The following OVCH2 variants were observed in gnomAD, a reference collection of about 807,000 sequenced individuals.
OVCH2 encodes ovochymase-2.
In OVCH2, 88 loss-of-function variants were observed where a neutral mutation model predicts 73.7. The ratio of observed to expected loss-of-function variants is 1.19; its 90% CI spans 1.01 to 1.43. The LOEUF is 1.43. OVCH2 is among the 40% of genes most tolerant of loss of function. OVCH2 has a pLI of 0.00. For missense variants in OVCH2, 706 were observed against 674.5 expected, an observed-to-expected ratio of 1.05 and a Z score of -0.52; for synonymous variants, 265 against 234.5, an observed-to-expected ratio of 1.13 and a Z score of -1.19.
At position 7,700,377 on chromosome 11, in the gene OVCH2, T is replaced by C. The variant is rs1214539618; in HGVS notation, c.820A>G (p.Arg274Gly). Residue 274 changes from arginine to glycine, a missense_variant, in exon 7 of 16, where the codon AGG (arginine) becomes GGG (glycine). Arg to Gly is a moderately radical substitution (Grantham distance 125, BLOSUM62 -2). Coordinates refer to ENST00000533663, the MANE Select transcript of OVCH2 (RefSeq NM_198185.7). ...CCAGGGGATCCTTGATCACTTTTCC[T>C]CACATTGTTTCTCCAGCCTCGACCA... ...GCGRGWRNNV[R>G]KSDQGSPGIF... is the part of the protein sequence containing the mutation. The C allele has an allele frequency of 1.2e-6, 2 of 1,613,642 alleles. No homozygotes were observed. Among genetic ancestry groups the C allele is most frequent in the Non-Finnish European group, 1.7e-6 (2 of 1,179,794 alleles).
downstream of OVCH2, chr11:7,689,373 T>G (rs758330623): frequency 7.5e-4 from 177 of 235,398 alleles, 1 homozygote; most frequent in Admixed American, 4.3e-3. Context: ...CCCCCACAAT[T>G]GTGTAAGCCA....
intron 6 of OVCH2, 78 bp downstream of exon 6, chr11:7,701,246 A>C: frequency 6.8e-7 from 1 of 1,481,414 alleles, no homozygotes; most frequent in Non-Finnish European, 9.0e-7. Flanking sequence ...AATTTCACTG[A>C]AATTTAAGAA....
chr11:7,700,247 G>A (rs548031663), intron 7 of OVCH2, 49 bp downstream of exon 7: 2 of 1,572,942 alleles, frequency 1.3e-6, no homozygotes, highest in African/African-American at 1.3e-5. Context: ...TGCTGTCTCT[G>A]GCCCTAGCAG....
intron 12 of OVCH2, 44 bp downstream of exon 12, chr11:7,695,014 C>G (rs986270993): frequency 6.5e-7 from 1 of 1,529,486 alleles, no homozygotes; most frequent in Admixed American, 2.1e-5. Context: ...GTTAGCTATT[C>G]TGTGAATTTA....
chr11:7,701,191 A>G, intron 6 of OVCH2, 133 bp downstream of exon 6: 1 of 1,187,794 alleles, frequency 8.4e-7, no homozygotes, highest in Non-Finnish European at 1.1e-6. Flanking sequence ...CTTCTTCAAG[A>G]CTATTCTTTA....
At position 7,704,611 on chromosome 11, in the gene OVCH2, C is replaced by T. The variant is rs773243373; in HGVS notation, c.152G>A (p.Arg51His). ...CTCCACTTGGCTTCCTCCAAGAATG[C>T]GACTGAAAATGTTAAAATAATTCCA... is the stretch of plus-strand genomic sequence containing the variant. ...QPWNYFNIFS[R>H]ILGGSQVEKG... The change falls in exon 2 of 16, where the codon CGC (arginine) becomes CAC (histidine). Residue 51 changes from arginine (R) to histidine (H), a missense_variant. Coordinates refer to ENST00000533663, the MANE Select transcript of OVCH2 (RefSeq NM_198185.7). 15 of 1,612,540 alleles carry T rather than the reference C, an allele frequency of 9.3e-6. No individual in the cohort carries two copies. Among genetic ancestry groups the T allele is most frequent in the Middle Eastern group, 3.3e-4 (2 of 6,058 alleles).
the OVCH2 span, among the ~76,000 whole-genome samples, chr11:7,678,876 A>G: frequency 1.1e-4 from 17 of 152,292 alleles, no homozygotes; most frequent in Admixed American, 1.0e-3. Flanking sequence ...TTGTACTCCA[A>G]ACCTCAGCAT....
chr11:7,684,247 A>G, the OVCH2 span, among the ~76,000 whole-genome samples: 1 of 152,022 alleles, frequency 6.6e-6, no homozygotes, highest in Non-Finnish European at 1.5e-5. Context: ...CTCATGCCAC[A>G]TATATTCCAT....
intron 14 of OVCH2, among the ~76,000 whole-genome samples, chr11:7,690,927 C>T (rs924738020): frequency 1.3e-5 from 2 of 152,152 alleles, no homozygotes; most frequent in Admixed American, 1.3e-4. Context: ...TTTGTTCAGA[C>T]ATGAGTCATA....
chr11:7,703,694 T>C lies in OVCH2; in HGVS notation c.290+4A>G. On this transcript the variant is annotated splice_donor_region_variant and intron_variant, in intron 3 of 15. Coordinates refer to ENST00000533663, the MANE Select transcript of OVCH2 (RefSeq NM_198185.7). Reference sequence around the variant, plus strand: ...TCTTCACTCATGGGCTAGGCCTTTCTTACCTGTTTGCAATGCAGTGAGCCG... The same window carrying C: ...TCTTCACTCATGGGCTAGGCCTTTCCTACCTGTTTGCAATGCAGTGAGCCG... The C allele has an allele frequency of 6.3e-7, 1 of 1,597,728 alleles. No individual in the cohort carries two copies. Among genetic ancestry groups the C allele is most frequent in the Non-Finnish European group, 8.5e-7 (1 of 1,172,172 alleles).
At chr11:7,684,064 T>G in the OVCH2 span, among the ~76,000 whole-genome samples, 1 of 151,452 alleles carries the variant, frequency 6.6e-6, no homozygotes, top group African/African-American at 2.4e-5. Flanking sequence ...TTGCTTATTA[T>G]CTGCTTCCCC....
At chr11:7,696,182 T>G (rs1446427253) in intron 10 of OVCH2, among the ~76,000 whole-genome samples, 1 of 152,220 alleles carries the variant, frequency 6.6e-6, no homozygotes, top group Non-Finnish European at 1.5e-5. Context: ...TGAGAGGCCC[T>G]GGAATATATC....
At chr11:7,701,546 G>A (rs879861869) in intron 5 of OVCH2, 71 bp from the exon 6 acceptor site, 196 of 1,549,224 alleles carry the variant, frequency 1.3e-4, no homozygotes, top group Non-Finnish European at 1.5e-4. Flanking sequence ...TGCATCATTT[G>A]TGTTTGTGTC....
intron 12 of OVCH2, among the ~76,000 whole-genome samples, chr11:7,693,498 A>T (rs145116678): frequency 7.2e-4 from 109 of 152,316 alleles, no homozygotes; most frequent in Admixed American, 2.4e-3. Context: ...TCACTGATGC[A>T]CGACACTCAA....
At chr11:7,684,009 A>ATATG in the OVCH2 span, among the ~76,000 whole-genome samples, 1 of 149,122 alleles carries the variant, frequency 6.7e-6, no homozygotes, top group Non-Finnish European at 1.5e-5. Context: ...TTATATATAT[A>ATATG]TATGTATATA....
intron 14 of OVCH2, among the ~76,000 whole-genome samples, chr11:7,691,051 C>G (rs112609643): frequency 2.0e-5 from 3 of 152,274 alleles, no homozygotes; most frequent in African/African-American, 7.2e-5. Flanking sequence ...ATGTACTGAT[C>G]AGCTGATGAA....
Position 7,696,977 on chromosome 11 carries a change from G to C in OVCH2, c.926-178C>G, listed in dbSNP as rs557446536. 83 of 598,566 alleles carry C rather than the reference G, an allele frequency of 1.4e-4. 1 individual carries two copies. The South Asian group carries it at 1.6e-3, about 11-fold the overall frequency. 37.1% of individuals were successfully genotyped at this position (598,566 alleles called of 1,614,324 possible). A position where few individuals can be genotyped will look rare whatever the true frequency, so the allele number is the denominator to read the frequency against. On this transcript the variant is annotated intron_variant, in intron 8 of 15. Coordinates refer to ENST00000533663, the MANE Select transcript of OVCH2 (RefSeq NM_198185.7). ...GCCTTTTTGGTTCCTTTTAGATCCT[G>C]CTTAACCTTGAGATTCTATGATTGG... is the stretch of plus-strand genomic sequence containing the variant.
At chr11:7,695,450 C>T in intron 11 of OVCH2, 120 bp downstream of exon 11, 2 of 1,081,406 alleles carry the variant, frequency 1.8e-6, no homozygotes, top group Non-Finnish European at 2.6e-6. Flanking sequence ...CTGTGCCCCT[C>T]TCCCATGTGG....
In OVCH2 at chr11:7,689,990, T is replaced by C; in HGVS notation, c.1663A>G (p.Ile555Val). 1 of 1,525,090 alleles carries C rather than the reference T, an allele frequency of 6.6e-7. No individual in the cohort carries two copies. The highest frequency in any genetic ancestry group is 8.8e-7 in the Non-Finnish European group (1 of 1,136,986). 94.5% of individuals were successfully genotyped at this position (1,525,090 alleles called of 1,614,324 possible). A position where few individuals can be genotyped will look rare whatever the true frequency, so the allele number is the denominator to read the frequency against. ...AGAAACATTGATTCATCCTCTGATA[T>C]GGAGATGTTTAAATCTGGGTATACT... Reference protein sequence around the residue: ...KAVYPDLNISISEDESMFLET With the variant: ...KAVYPDLNISVSEDESMFLET The change falls in exon 15 of 16, where the codon ATA becomes GTA. Residue 555 changes from isoleucine to valine, a missense_variant. Ile to Val is a conservative substitution (Grantham distance 29). Coordinates refer to ENST00000533663, the MANE Select transcript of OVCH2 (RefSeq NM_198185.7).
Sources: gnomAD v4.1 joint callset for allele counts (sites outside exome capture counted in the v4.1 genomes callset) on GRCh38, gnomAD v4.1.1 for gene constraint, MANE v1.5 for transcripts, NCBI Gene and HGNC (gene_info 2026-07-23, HGNC 2026-07-21) for gene names.